Variants in SLC7A11 observed in about 807,000 individuals in gnomAD.
The protein encoded by SLC7A11 is solute carrier family 7 member 11.
A neutral mutation model predicts 54.5 loss-of-function variants in SLC7A11; 35 were observed. That is an observed-to-expected ratio of 0.64 (90% CI 0.49 to 0.85). The LOEUF (loss-of-function observed/expected upper bound fraction) is 0.85, where lower values mean the gene tolerates loss of function less well. Ranked by LOEUF, SLC7A11 falls within the 40% of genes least tolerant of loss-of-function variation. The probability of loss-of-function intolerance (pLI) is 0.00; values close to 1 mark genes in which losing one functional copy is unlikely to be tolerated. For missense variants in SLC7A11, 583 were observed against 618.1 expected (o/e 0.94, Z 0.60); for synonymous variants, 230 against 225.2 (o/e 1.02, Z -0.19).
At chr4:138,215,657 C>G (rs1350233889) in intron 5 of SLC7A11, among the ~76,000 whole-genome samples, 1 of 151,826 alleles carries the variant, frequency 6.6e-6, no homozygotes. Flanking sequence ...ACCATGAAAG[C>G]AAGCAACAAT....
At chr4:138,177,216 T>C (rs1204280064) in intron 11 of SLC7A11, 1 of 152,162 alleles carries the variant, frequency 6.6e-6, no homozygotes, top group East Asian at 1.9e-4. Context: ...TGTTTGTTTT[T>C]TTAGTAACAC....
chr4:138,187,551 A>G (rs986188827), intron 6 of SLC7A11, among the ~76,000 whole-genome samples: 2 of 152,296 alleles, frequency 1.3e-5, no homozygotes, highest in Non-Finnish European at 2.9e-5. Flanking sequence ...GGACCACCAA[A>G]GTGTATTCAC....
chr4:138,191,552 G>A (rs1737013653), intron 6 of SLC7A11, among the ~76,000 whole-genome samples: 1 of 151,540 alleles, frequency 6.6e-6, no homozygotes, highest in African/African-American at 2.4e-5. Flanking sequence ...TGGCCAGAAG[G>A]GTCACTCTTA....
intron 6 of SLC7A11, among the ~76,000 whole-genome samples, chr4:138,209,867 A>T (rs1344386626): frequency 1.3e-5 from 2 of 151,998 alleles, no homozygotes; most frequent in Non-Finnish European, 2.9e-5. Flanking sequence ...TACCAACACC[A>T]TTGTTCACAT....
chr4:138,234,087 T>C (rs1439587254), intron 2 of SLC7A11, among the ~76,000 whole-genome samples: 1 of 152,232 alleles, frequency 6.6e-6, no homozygotes, highest in African/African-American at 2.4e-5. Flanking sequence ...CGATTGATAA[T>C]GATTTCCTCC....
intron 6 of SLC7A11, among the ~76,000 whole-genome samples, chr4:138,199,861 A>G (rs1469695461): frequency 6.6e-6 from 1 of 152,178 alleles, no homozygotes; most frequent in Non-Finnish European, 1.5e-5. Flanking sequence ...GACATCATTG[A>G]GTTCAATTTC....
At position 138,167,387 on chromosome 4, in the gene SLC7A11, G is replaced by C. The variant is rs1319593168; in HGVS notation, c.*4569C>G. 1 of 151,176 alleles carries C rather than the reference G, an allele frequency of 6.6e-6. No individual in the cohort carries two copies. The highest frequency in any genetic ancestry group is 2.4e-5 in the African/African-American group (1 of 41,116). 9.4% of individuals were successfully genotyped at this position (151,176 alleles called of 1,614,324 possible). On this transcript the variant is annotated 3_prime_UTR_variant, in exon 12 of 12. Coordinates refer to ENST00000280612, the MANE Select transcript of SLC7A11 (RefSeq NM_014331.4). ...GGCTGATCTCGAACTCCTGACCTCA[G>C]GTGATTCGCCCGCCTCAGCCTCCCA...
intron 11 of SLC7A11, chr4:138,176,231 T>G (rs1736567527): frequency 6.6e-6 from 1 of 152,200 alleles, no homozygotes; most frequent in African/African-American, 2.4e-5. Context: ...TACGGAGGAC[T>G]GTTGCTTTTT....
Position 138,242,335 on chromosome 4 carries a change from C to A in SLC7A11, c.-266G>T. 1 of 507,300 alleles carries A rather than the reference C, an allele frequency of 2.0e-6. No homozygotes were observed. Among genetic ancestry groups the A allele is most frequent in the South Asian group, 2.1e-5 (1 of 46,936 alleles). The allele number at this position is 507,300 out of a possible 1,614,324, so 31.4% of individuals were successfully genotyped here. A position where few individuals can be genotyped will look rare whatever the true frequency, so the allele number is the denominator to read the frequency against. On this transcript the variant is annotated 5_prime_UTR_variant, in exon 1 of 12. In the 5' UTR this introduces an upstream ATG that the reference lacks. Transcript: ENST00000280612. ...TGCTGCTGCTGCTGCTGCTGCCGCC[C>A]TATCATTACAAACCAGCTCAGCTTC...
chr4:138,223,636 T>A (rs1737871496), intron 3 of SLC7A11, among the ~76,000 whole-genome samples: 1 of 152,190 alleles, frequency 6.6e-6, no homozygotes, highest in African/African-American at 2.4e-5. Flanking sequence ...AACAATCACA[T>A]AAAAATGTCT....
chr4:138,227,230 C>A (rs899551578), intron 3 of SLC7A11, among the ~76,000 whole-genome samples: 1 of 152,172 alleles, frequency 6.6e-6, no homozygotes, highest in Non-Finnish European at 1.5e-5. Context: ...TTGTGCTTAA[C>A]TGATAAAATA....
At chr4:138,220,147 C>T (rs1296839616) in intron 4 of SLC7A11, among the ~76,000 whole-genome samples, 1 of 152,030 alleles carries the variant, frequency 6.6e-6, no homozygotes, top group African/African-American at 2.4e-5. Flanking sequence ...ACCATGTTGG[C>T]CAGGCTGGTC....
rs1736845382 is a variant in SLC7A11, at chr4:138,185,169, A to G, written c.867T>C (p.Phe289=). The G allele has an allele frequency of 2.5e-6, 4 of 1,613,026 alleles. No individual in the cohort carries two copies. The African/African-American group carries it at 4.0e-5, about 16-fold the overall frequency. ...GCAGCTCCTCAGCATTAATGGTCGT[A>G]AAGTAGGCCACATTTGTCAGCACAT... ...IGYVLTNVAY[F]TTINAEELLL... The change falls in exon 7 of 12, where the codon TTT becomes TTC. Residue 289 remains phenylalanine, a synonymous_variant. Coordinates refer to ENST00000280612, the MANE Select transcript of SLC7A11 (RefSeq NM_014331.4).
intron 5 of SLC7A11, among the ~76,000 whole-genome samples, chr4:138,218,155 T>C (rs548087819): frequency 6.6e-6 from 1 of 152,290 alleles, no homozygotes; most frequent in Non-Finnish European, 1.5e-5. Flanking sequence ...AAACGCTCCA[T>C]TCATTTTGAA....
chr4:138,227,782 A>G (rs983134185), intron 3 of SLC7A11, among the ~76,000 whole-genome samples: 2 of 152,190 alleles, frequency 1.3e-5, no homozygotes, highest in East Asian at 1.9e-4. Flanking sequence ...TTCTCTCTGC[A>G]AAAGTTCACA....
chr4:138,215,704 T>A (rs1737663459), intron 5 of SLC7A11, among the ~76,000 whole-genome samples: 1 of 151,366 alleles, frequency 6.6e-6, no homozygotes, highest in Admixed American at 6.6e-5. Context: ...CCAAGAGGGG[T>A]TTGATGTGTT....
chr4:138,224,820 AAGGAAGGAAGGAAG>A (rs1737901175), intron 3 of SLC7A11, among the ~76,000 whole-genome samples: 1 of 14,610 alleles, frequency 6.8e-5, no homozygotes, highest in African/African-American at 1.5e-4. Context: ...GGATGAAAGG[AAGGAAGGAAGGAAG>A]GAAGGAAGGA....
At chr4:138,177,197 G>A (rs1303691740) in intron 11 of SLC7A11, 3 of 151,946 alleles carry the variant, frequency 2.0e-5, no homozygotes, top group Non-Finnish European at 4.4e-5. Context: ...GCATATCAAG[G>A]TTTTTGGTTG....
intron 6 of SLC7A11, among the ~76,000 whole-genome samples, chr4:138,207,096 T>C (rs1325836842): frequency 3.3e-5 from 5 of 151,594 alleles, no homozygotes; most frequent in African/African-American, 1.2e-4. Flanking sequence ...ATTCTAATGA[T>C]GTCATATTGT....
Sources: allele counts gnomAD v4.1 joint callset (sites outside exome capture counted in the v4.1 genomes callset), GRCh38; gene constraint gnomAD v4.1.1; transcripts MANE v1.5; gene names NCBI Gene and HGNC (gene_info 2026-07-23, HGNC 2026-07-21).